Variants in RGPD3 observed in about 807,000 individuals in gnomAD.
RGPD3 encodes the protein ranBP2-like and GRIP domain-containing protein 3.
A neutral mutation model predicts 154.5 loss-of-function variants in RGPD3; 62 were observed. That is an observed-to-expected ratio of 0.40 (90% confidence interval 0.33 to 0.50). The LOEUF (loss-of-function observed/expected upper bound fraction) is 0.50. Among genes scored for constraint, RGPD3 ranks in the 20% least tolerant of loss-of-function variants. RGPD3 has a pLI of 0.59. For synonymous variants in RGPD3, 308 were observed against 607.0 expected, an observed-to-expected ratio of 0.51 and a Z score of 7.24; for missense variants, 919 against 1,716.8, an observed-to-expected ratio of 0.54 and a Z score of 8.21.
rs571264976 is a variant in RGPD3, at chr2:106,437,901, T to C, written c.1277-1047A>G. ...TACATAACCATTTAGATGAAAAATA[T>C]GGCCAGATGCAGTGGCTCATGCCTA... On this transcript the variant is annotated intron_variant, in intron 9 of 22. Transcript: ENST00000409886. Among the ~76,000 whole-genome samples the C allele has an allele frequency of 5.6e-4, 85 of 152,294 alleles. 1 individual carries two copies. The highest frequency in any genetic ancestry group is 2.0e-3 in the African/African-American group (84 of 41,578).
At chr2:106,438,060 A>G (rs1677624670) in intron 9 of RGPD3, among the ~76,000 whole-genome samples, 1 of 152,126 alleles carries the variant, frequency 6.6e-6, no homozygotes, top group Non-Finnish European at 1.5e-5. Flanking sequence ...CCTCCTGAGT[A>G]GGGACTACAG....
At chr2:106,448,057 C>T (rs1445647940) in intron 6 of RGPD3, among the ~76,000 whole-genome samples, 1 of 149,338 alleles carries the variant, frequency 6.7e-6, no homozygotes, top group African/African-American at 2.5e-5. Context: ...AGTATCAATA[C>T]AGTAATTGCT....
At chr2:106,461,329 A>AT (rs1213413712) in intron 1 of RGPD3, among the ~76,000 whole-genome samples, 1 of 149,068 alleles carries the variant, frequency 6.7e-6, no homozygotes, top group Non-Finnish European at 1.5e-5. Flanking sequence ...TTTAAATAAA[A>AT]TAAGGGTTAC....
chr2:106,451,377 T>G (rs1573292374), intron 6 of RGPD3, among the ~76,000 whole-genome samples: 1 of 149,666 alleles, frequency 6.7e-6, no homozygotes, highest in Non-Finnish European at 1.5e-5. Context: ...TTATACCAGA[T>G]GGGGAAATAA....
At chr2:106,448,928 T>C (rs1678017969) in intron 6 of RGPD3, among the ~76,000 whole-genome samples, 1 of 150,924 alleles carries the variant, frequency 6.6e-6, no homozygotes, top group South Asian at 2.1e-4. Flanking sequence ...CCTGACTTCG[T>C]GATCCACCCG....
At chr2:106,420,514 C>T (rs1289744285) in intron 20 of RGPD3, among the ~76,000 whole-genome samples, 1 of 152,094 alleles carries the variant, frequency 6.6e-6, no homozygotes, top group African/African-American at 2.4e-5. Context: ...GGTAGCCTAG[C>T]CACATTCTAT....
chr2:106,468,832 A>G (rs1159970282), upstream of RGPD3, among the ~76,000 whole-genome samples: 26 of 133,628 alleles, frequency 1.9e-4, no homozygotes, highest in African/African-American at 6.4e-4. Context: ...AAAAAAAAAA[A>G]AAGACTAAAC....
intron 1 of RGPD3, among the ~76,000 whole-genome samples, chr2:106,461,915 C>G (rs1197779746): frequency 2.0e-5 from 3 of 152,030 alleles, no homozygotes; most frequent in Non-Finnish European, 4.4e-5. Context: ...CTTGTTCCCC[C>G]CTTCCTTTTT....
In RGPD3 at chr2:106,432,992, C is replaced by G; in HGVS notation, c.2412G>C (p.Trp804Cys). ...TCAGTAAAGAATTCTGATCTTCTGC[C>G]CATCGAGGTGGTGTTTTGGGAGAAT... The part of the protein sequence containing the change: ...YKYSPKTPPR[W>C]AEDQNSLLKM... Residue 804 changes from tryptophan (W) to cysteine (C), a missense_variant, in exon 17 of 23, where the codon TGG becomes TGC. Trp to Cys is a radical substitution (Grantham distance 215). Transcript: ENST00000409886. 2 of 1,607,622 alleles carry G rather than the reference C, an allele frequency of 1.2e-6. No homozygotes were observed. The highest frequency in any genetic ancestry group is 1.7e-6 in the Non-Finnish European group (2 of 1,179,018).
intron 17 of RGPD3, among the ~76,000 whole-genome samples, chr2:106,432,372 G>A (rs1677389112): frequency 6.7e-6 from 1 of 148,150 alleles, no homozygotes; most frequent in African/African-American, 2.5e-5. Flanking sequence ...AGAGTCGCTT[G>A]AACCTGGGAG....
At chr2:106,441,411 T>G in intron 7 of RGPD3, 31 bp from the exon 8 acceptor site, 1 of 1,187,596 alleles carries the variant, frequency 8.4e-7, no homozygotes, top group Non-Finnish European at 1.2e-6. Flanking sequence ...AATCTTAATT[T>G]GATGATACCC....
intron 1 of RGPD3, among the ~76,000 whole-genome samples, chr2:106,465,634 A>G (rs1433029082): frequency 6.6e-6 from 1 of 151,458 alleles, no homozygotes; most frequent in African/African-American, 2.4e-5. Flanking sequence ...TAATCTCAGC[A>G]TTATTTACAT....
chr2:106,420,718 T>C (rs1199950810), intron 20 of RGPD3, among the ~76,000 whole-genome samples: 2 of 152,292 alleles, frequency 1.3e-5, no homozygotes, highest in Non-Finnish European at 2.9e-5. Flanking sequence ...CTTTCATCTG[T>C]TTCCCTTTTT....
intron 21 of RGPD3, among the ~76,000 whole-genome samples, chr2:106,414,846 T>C (rs1428624270): frequency 6.6e-6 from 1 of 151,598 alleles, no homozygotes; most frequent in African/African-American, 2.4e-5. Flanking sequence ...CCTTGCACAG[T>C]GGCAGGACAG....
rs1558829504 is a variant in RGPD3, at chr2:106,405,210, G to T, written c.*9C>A. The T allele has an allele frequency of 3.1e-6, 5 of 1,608,700 alleles. No individual in the cohort carries two copies. The highest frequency in any genetic ancestry group is 4.2e-6 in the Non-Finnish European group (5 of 1,178,568). ...GATAGGATGCCCATCCAGAAGAACGGGAAGCATTTTATTCCTCACCTTTGG... is the reference window on the plus strand; with the variant it reads ...GATAGGATGCCCATCCAGAAGAACGTGAAGCATTTTATTCCTCACCTTTGG... On this transcript the variant is annotated 3_prime_UTR_variant, in exon 23 of 23. Coordinates refer to ENST00000409886, the MANE Select transcript of RGPD3 (RefSeq NM_001144013.2).
chr2:106,440,354 C>A (rs531789899), intron 8 of RGPD3, among the ~76,000 whole-genome samples: 3 of 150,034 alleles, frequency 2.0e-5, no homozygotes, highest in Non-Finnish European at 3.0e-5. Context: ...GGTTTGGTTA[C>A]CACTACACAG....
rs201950587 is a variant in RGPD3 at position 106,424,843 on chromosome 2, C to T, written c.3124G>A (p.Val1042Ile). ...DSDDIHFEPV[V>I]QMPEKVELVT... ...AGTTCTACTTTTTCAGGCATTTGAA[C>T]TACTGGTTCAAAATGGATGTCATCG... Residue 1042 changes from valine (V) to isoleucine (I), a missense_variant, in exon 20 of 23, where the codon GTT becomes ATT. Coordinates refer to ENST00000409886, the MANE Select transcript of RGPD3 (RefSeq NM_001144013.2). The T allele has an allele frequency of 6.3e-3, 10,173 of 1,611,716 alleles. 68 individuals are homozygous for T. Among genetic ancestry groups the T allele is most frequent in the Middle Eastern group, 0.01 (45 of 4,430 alleles).
chr2:106,465,793 G>A (rs922448426), intron 1 of RGPD3, among the ~76,000 whole-genome samples: 1 of 151,746 alleles, frequency 6.6e-6, no homozygotes, highest in Admixed American at 6.6e-5. Flanking sequence ...CGAGGGAGGT[G>A]AGTATGAGGA....
rs781311167 is a variant in RGPD3, at chr2:106,413,157, T to C, written c.5193A>G (p.Arg1731=). The change falls in exon 22 of 23, where the codon AGA becomes AGG. Residue 1731 remains arginine, a synonymous_variant. Coordinates refer to ENST00000409886, the MANE Select transcript of RGPD3 (RefSeq NM_001144013.2). ...ACATCGTATTTATAACAGGAAGAAG[T>C]CTCTCTCTTTCACTACCTGGCTTCA... The part of the protein sequence containing the change: ...IFLKPGSERE[R]LLPVINTMLQ... 3 of 1,611,708 alleles carry C rather than the reference T, an allele frequency of 1.9e-6. No individual in the cohort carries two copies. Among genetic ancestry groups the C allele is most frequent in the Non-Finnish European group, 2.5e-6 (3 of 1,179,792 alleles).
Sources: gnomAD v4.1 joint callset for allele counts (sites outside exome capture counted in the v4.1 genomes callset) on GRCh38, gnomAD v4.1.1 for gene constraint, MANE v1.5 for transcripts, NCBI Gene and HGNC (gene_info 2026-07-23, HGNC 2026-07-21) for gene names.